Variants in PRKCA observed in about 807,000 individuals in gnomAD.
PRKCA encodes the protein protein kinase C alpha, also known as protein kinase C alpha type.
Under a neutral mutation model 87.0 loss-of-function variants are expected in PRKCA, and 27 were observed. The observed-to-expected ratio is 0.31, with a 90% confidence interval of 0.23 to 0.43. The LOEUF (loss-of-function observed/expected upper bound fraction) is 0.43, where lower values mean the gene tolerates loss of function less well. Among genes scored for constraint, PRKCA ranks in the 20% least tolerant of loss-of-function variants. The probability of loss-of-function intolerance (pLI) is 1.00; values close to 1 mark genes in which losing one functional copy is unlikely to be tolerated. For synonymous variants in PRKCA, 329 were observed against 311.1 expected (o/e 1.06, Z -0.61); for missense variants, 518 against 852.3 (o/e 0.61, Z 4.88).
At chr17:66,430,055 T>C (rs1420862459) in intron 2 of PRKCA, among the ~76,000 whole-genome samples, 1 of 152,066 alleles carries the variant, frequency 6.6e-6, no homozygotes, top group African/African-American at 2.4e-5. Flanking sequence ...TAGATGTACT[T>C]ATCTGTTGGG....
intron 2 of PRKCA, among the ~76,000 whole-genome samples, chr17:66,461,866 C>A (rs989808791): frequency 7.6e-6 from 1 of 130,802 alleles, no homozygotes; most frequent in Non-Finnish European, 1.5e-5. Context: ...GGGTTCCTAA[C>A]TATCGAGGAG....
At chr17:66,587,105 G>A (rs996280622) in intron 3 of PRKCA, among the ~76,000 whole-genome samples, 21 of 152,178 alleles carry the variant, frequency 1.4e-4, no homozygotes, top group African/African-American at 5.1e-4. Context: ...CAGGTCTGGG[G>A]CCATGGATGT....
At chr17:66,459,258 G>A (rs958127453) in intron 2 of PRKCA, among the ~76,000 whole-genome samples, 2 of 151,756 alleles carry the variant, frequency 1.3e-5, no homozygotes, top group South Asian at 4.2e-4. Context: ...GTACACACCT[G>A]TAGTCCCAGC....
chr17:66,496,664 G>A lies in PRKCA; in HGVS notation c.288+381G>A, dbSNP rs535585085. Among the ~76,000 whole-genome samples the A allele has an allele frequency of 1.4e-4, 18 of 124,370 alleles. No homozygotes were observed. The South Asian group carries it at 4.5e-3, about 31-fold the overall frequency. 81.6% of individuals were successfully genotyped at this position (124,370 alleles called of 152,430 possible). A position where few individuals can be genotyped will look rare whatever the true frequency, so the allele number is the denominator to read the frequency against. On this transcript the variant is annotated intron_variant, in intron 3 of 16. Transcript: ENST00000413366. ...CCTCCCCACCCCTCCCGTCCTCTTC[G>A]ATGGAGTCTCACTCTGTTGCCCAGG...
At chr17:66,360,902 A>C (rs1308138130) in intron 2 of PRKCA, among the ~76,000 whole-genome samples, 4 of 152,052 alleles carry the variant, frequency 2.6e-5, no homozygotes, top group African/African-American at 9.7e-5. Context: ...TCGTGTTTTC[A>C]TTTCTTTTGG....
At chr17:66,454,659 C>G (rs1414181216) in intron 2 of PRKCA, among the ~76,000 whole-genome samples, 2 of 152,182 alleles carry the variant, frequency 1.3e-5, no homozygotes, top group African/African-American at 2.4e-5. Flanking sequence ...ACAAGTTTCC[C>G]TTTCTAAAAC....
At chr17:66,494,216 G>A (rs1372772198) in intron 2 of PRKCA, among the ~76,000 whole-genome samples, 5 of 152,188 alleles carry the variant, frequency 3.3e-5, no homozygotes, top group African/African-American at 7.2e-5. Flanking sequence ...AGAAAATAGC[G>A]TATGAGCCAC....
At chr17:66,395,831 C>G (rs1457039746) in intron 2 of PRKCA, among the ~76,000 whole-genome samples, 1 of 152,124 alleles carries the variant, frequency 6.6e-6, no homozygotes, top group African/African-American at 2.4e-5. Flanking sequence ...TCCTTATAGT[C>G]TTTGAGAGAA....
chr17:66,554,653 G>C (rs1968442066), intron 3 of PRKCA: 6 of 562,644 alleles, frequency 1.1e-5, no homozygotes, highest in Non-Finnish European at 1.4e-5. Flanking sequence ...TTAAATCTAT[G>C]GATGTGAAGG....
intron 3 of PRKCA, among the ~76,000 whole-genome samples, chr17:66,570,601 A>G (rs543679389): frequency 1.3e-5 from 2 of 152,270 alleles, no homozygotes; most frequent in African/African-American, 4.8e-5. Flanking sequence ...ATATTGCTAA[A>G]TCACTTTCTT....
chr17:66,716,886 A>C (rs1456991578), intron 8 of PRKCA, among the ~76,000 whole-genome samples: 1 of 152,214 alleles, frequency 6.6e-6, no homozygotes, highest in African/African-American at 2.4e-5. Flanking sequence ...CAACAGCCAA[A>C]GTGGGTGTGT....
At position 66,803,499 on chromosome 17, in the gene PRKCA, A is replaced by C. The variant is rs998618633; in HGVS notation, c.1855-374A>C. Among the ~76,000 whole-genome samples the C allele has an allele frequency of 3.3e-5, 5 of 152,182 alleles. No individual in the cohort carries two copies. The highest frequency in any genetic ancestry group is 1.2e-4 in the African/African-American group (5 of 41,456). On this transcript the variant is annotated intron_variant, in intron 16 of 16. Transcript: ENST00000413366. The surrounding 1 kb of genome is among the most constrained non-coding windows in gnomAD (Gnocchi z 4.4). ...GTAACTGCCTGCAGCCCCAGCCGAC[A>C]TCCTGGCCTTTCAACACGGAGCTGT...
At chr17:66,563,192 A>G (rs1968770407) in intron 3 of PRKCA, among the ~76,000 whole-genome samples, 2 of 152,122 alleles carry the variant, frequency 1.3e-5, no homozygotes, top group African/African-American at 4.8e-5. Context: ...ATTATTAACA[A>G]AAGTCCATGG....
At chr17:66,343,101 ATT>A (rs527607622) in intron 2 of PRKCA, among the ~76,000 whole-genome samples, 4 of 147,996 alleles carry the variant, frequency 2.7e-5, no homozygotes, top group Non-Finnish European at 6.0e-5. Context: ...AACCTGAATA[ATT>A]TTTTTTTTTG....
intron 2 of PRKCA, among the ~76,000 whole-genome samples, chr17:66,441,034 C>A (rs1447401480): frequency 6.6e-6 from 1 of 151,644 alleles, no homozygotes; most frequent in Non-Finnish European, 1.5e-5. Flanking sequence ...TGGTAGCAGG[C>A]ACCTGTAATC....
intron 2 of PRKCA, among the ~76,000 whole-genome samples, chr17:66,426,731 A>C (rs1912827657): frequency 6.6e-6 from 1 of 152,156 alleles, no homozygotes; most frequent in Non-Finnish European, 1.5e-5. Flanking sequence ...GATTCCTGTT[A>C]GTGAGCAGGT....
intron 2 of PRKCA, among the ~76,000 whole-genome samples, chr17:66,444,559 G>T (rs1913936613): frequency 6.6e-6 from 1 of 152,098 alleles, no homozygotes; most frequent in Non-Finnish European, 1.5e-5. Context: ...ACCTTCCAGG[G>T]AACATCCCTT....
chr17:66,556,629 C>T (rs571984583), intron 3 of PRKCA, among the ~76,000 whole-genome samples: 3 of 152,276 alleles, frequency 2.0e-5, no homozygotes, highest in South Asian at 2.1e-4. Context: ...TTGGAGACAA[C>T]TAAATCATGG....
At chr17:66,495,525 G>GTTATTTTATTTTATTT (rs548468006) in intron 2 of PRKCA, among the ~76,000 whole-genome samples, 14 of 137,262 alleles carry the variant, frequency 1.0e-4, no homozygotes, top group Admixed American at 1.4e-4. Flanking sequence ...ATGGTGCAAA[G>GTTATTTTATTTTATTT]TATTTTATTT....
Sources: gnomAD v4.1 joint callset for allele counts (sites outside exome capture counted in the v4.1 genomes callset) on GRCh38, gnomAD v4.1.1 for gene constraint, Gnocchi (gnomAD v3.1) non-coding constraint, MANE v1.5 for transcripts, NCBI Gene and HGNC (gene_info 2026-07-23, HGNC 2026-07-21) for gene names.